SARDH: variants seen among roughly 807,000 people sequenced by gnomAD.
SARDH encodes sarcosine dehydrogenase.
Under a neutral mutation model 109.1 loss-of-function variants are expected in SARDH, and 95 were observed. That is an observed-to-expected ratio of 0.87 (90% CI 0.74 to 1.03). The LOEUF (loss-of-function observed/expected upper bound fraction) is 1.03. Ranked by LOEUF, SARDH falls within the 50% of genes least tolerant of loss-of-function variation. The pLI is 0.00. For synonymous variants in SARDH, 572 were observed against 534.8 expected, an observed-to-expected ratio of 1.07 and a Z score of -0.96; for missense variants, 1,267 against 1,287.8, an observed-to-expected ratio of 0.98 and a Z score of 0.25.
rs762918911 is a variant in SARDH at position 133,709,276 on chromosome 9, CCT to C, written c.1329-850_1329-849del. ...ACCTGCGGCCTAGGCCTCTGCTGCC[CCT>C]GAGTGGGCAGAGCAATCAGTGCCCC... On this transcript the variant is annotated intron_variant, in intron 10 of 20. Transcript: ENST00000439388. The surrounding 1 kb of genome is among the most constrained non-coding windows in gnomAD (Gnocchi z 4.2). Among the ~76,000 whole-genome samples, 227 of 152,306 alleles carry C rather than the reference CCT, an allele frequency of 1.5e-3. 2 individuals carry two copies. Among genetic ancestry groups the C allele is most frequent in the Admixed American group, 4.7e-3 (72 of 15,304 alleles).
At chr9:133,715,368 G>A (rs1454223934) in intron 8 of SARDH, among the ~76,000 whole-genome samples, 1 of 152,198 alleles carries the variant, frequency 6.6e-6, no homozygotes, top group Non-Finnish European at 1.5e-5. Flanking sequence ...GGGGTTATCT[G>A]TGCCCCTGGG....
chr9:133,715,901 C>A (rs1832103201), intron 8 of SARDH, among the ~76,000 whole-genome samples: 1 of 152,244 alleles, frequency 6.6e-6, no homozygotes, highest in African/African-American at 2.4e-5. Flanking sequence ...GAGGGACTCA[C>A]CAGGCTTCTG....
intron 19 of SARDH, among the ~76,000 whole-genome samples, chr9:133,669,274 C>T (rs371088104): frequency 3.2e-4 from 2 of 6,226 alleles, no homozygotes; most frequent in Non-Finnish European, 3.2e-4. Context: ...CCTCTCCCCT[C>T]ACCCTCCCTC....
rs558713394 is a variant in SARDH at position 133,683,524 on chromosome 9, T to G, written c.2163+1669A>C. 4.6e-5 allele frequency among the ~76,000 whole-genome samples: 7 copies of G among 152,328 alleles called. No homozygotes were observed. In the South Asian group the frequency reaches 1.4e-3, roughly 32 times the overall value. On this transcript the variant is annotated intron_variant, in intron 17 of 20. Transcript: ENST00000439388. ...CGGGCCATCTGAAGGCCGTGTGGCC[T>G]GGATCCAGCTGTGCTGCTCTCTCTG...
rs1381501213 is a variant in SARDH at position 133,669,333 on chromosome 9, CGTCCTCCCTCT to C, written c.2495+1240_2495+1250del. ...ATCCTCCCTCACCCTCCCTCTCCCT[CGTCCTCCCTCT>C]CCCTCCCCTCGTCACTCTGACACTC... is the stretch of plus-strand genomic sequence containing the variant. On this transcript the variant is annotated intron_variant, in intron 19 of 20. Coordinates refer to ENST00000439388, the MANE Select transcript of SARDH (RefSeq NM_001134707.2). 9.5e-3 allele frequency among the ~76,000 whole-genome samples: 887 copies of C among 93,422 alleles called. 25 individuals are homozygous for C. The highest frequency in any genetic ancestry group is 0.015 in the Non-Finnish European group (684 of 47,100). The allele number at this position is 93,422 out of a possible 152,430, so 61.3% of individuals were successfully genotyped here.
intron 19 of SARDH, among the ~76,000 whole-genome samples, chr9:133,669,840 A>G (rs1830273472): frequency 6.6e-6 from 1 of 152,206 alleles, no homozygotes; most frequent in East Asian, 1.9e-4. Flanking sequence ...GTCGTGTTGC[A>G]GTGACTGGGA....
At chr9:133,696,078 G>C (rs1453031048) in intron 14 of SARDH, 145 bp downstream of exon 14, 3 of 10,944 alleles carry the variant, frequency 2.7e-4, no homozygotes, top group South Asian at 3.7e-4. Context: ...GGGGCCGGAC[G>C]GGGGGGAGCT....
chr9:133,713,524 C>T (rs934105879), intron 8 of SARDH, among the ~76,000 whole-genome samples: 7 of 152,254 alleles, frequency 4.6e-5, no homozygotes, highest in African/African-American at 1.4e-4. Context: ...CTTGAGAGGG[C>T]AGAGACCAGT....
chr9:133,663,834 T>G lies in SARDH; in HGVS notation c.*55A>C, dbSNP rs1829962290. On this transcript the variant is annotated 3_prime_UTR_variant, in exon 21 of 21. Coordinates refer to ENST00000439388, the MANE Select transcript of SARDH (RefSeq NM_001134707.2). The stretch of plus-strand genomic sequence containing the variant: ...CCAGGGTCCTGGGACCCAGGGCCAT[T>G]TGGGACCTGTGAGAATGGATGGACA... 12 of 1,606,252 alleles carry G rather than the reference T, an allele frequency of 7.5e-6. No individual in the cohort carries two copies. The South Asian group carries it at 1.3e-4, about 18-fold the overall frequency.
chr9:133,731,324 G>A lies in SARDH; in HGVS notation c.671C>T (p.Ala224Val), dbSNP rs1369725659. 1 of 1,614,054 alleles carries A rather than the reference G, an allele frequency of 6.2e-7. No individual in the cohort carries two copies. Among genetic ancestry groups the A allele is most frequent in the Non-Finnish European group, 8.5e-7 (1 of 1,180,018 alleles). Residue 224 changes from alanine (A) to valine (V), a missense_variant, in exon 4 of 21, where the codon GCT becomes GTT. Physicochemically the swap from Ala to Val is moderately conservative, Grantham distance 64 (BLOSUM62 0). Coordinates refer to ENST00000439388, the MANE Select transcript of SARDH (RefSeq NM_001134707.2). Reference sequence around the variant, plus strand: ...CAGTACCTGTGCTCCTCGGGCAGAAGCTGCCCTGGCGAGGGTGGTACAGGT... The same window carrying A: ...CAGTACCTGTGCTCCTCGGGCAGAAACTGCCCTGGCGAGGGTGGTACAGGT... The part of the protein sequence containing the change: ...AGTCTTLARA[A>V]SARGAQVIEN...
intron 13 of SARDH, among the ~76,000 whole-genome samples, chr9:133,699,774 G>A (rs1444960527): frequency 1.3e-5 from 2 of 152,152 alleles, no homozygotes; most frequent in Non-Finnish European, 2.9e-5. Flanking sequence ...ACTGTGGTGG[G>A]GAATGTAATG....
chr9:133,716,815 G>A (rs939212917), intron 8 of SARDH, among the ~76,000 whole-genome samples: 15 of 152,230 alleles, frequency 9.9e-5, no homozygotes, highest in Admixed American at 3.9e-4. Flanking sequence ...CAGGAGGGAG[G>A]CCAGCAGCAT....
rs1830891608 is a variant in SARDH at position 133,686,516 on chromosome 9, T to C, written c.2070-1230A>G. On this transcript the variant is annotated intron_variant, in intron 16 of 20. Transcript: ENST00000439388. This position sits in a 1 kb window ranked among gnomAD's most constrained non-coding sequence, Gnocchi z 4.0. ...GCCAGGGTGTCTCTCACATTGGTTGTACCCACCCCCAATGCATCCACCCCC... is the reference window on the plus strand; with the variant it reads ...GCCAGGGTGTCTCTCACATTGGTTGCACCCACCCCCAATGCATCCACCCCC... Among the ~76,000 whole-genome samples the C allele has an allele frequency of 6.6e-6, 1 of 152,106 alleles. No homozygotes were observed. The highest frequency in any genetic ancestry group is 2.4e-5 in the African/African-American group (1 of 41,422).
intron 17 of SARDH, among the ~76,000 whole-genome samples, chr9:133,680,312 G>T (rs1230709433): frequency 8.3e-6 from 1 of 121,062 alleles, no homozygotes; most frequent in Non-Finnish European, 1.6e-5. Context: ...TGGATGCTTT[G>T]GTCCCAAACC....
Position 133,719,839 on chromosome 9 carries a change from C to T in SARDH, c.916-797G>A, listed in dbSNP as rs191835596. Among the ~76,000 whole-genome samples, 95 of 152,258 alleles carry T rather than the reference C, an allele frequency of 6.2e-4. 1 individual carries two copies. The highest frequency in any genetic ancestry group is 1.3e-3 in the Admixed American group (20 of 15,298). On this transcript the variant is annotated intron_variant, in intron 6 of 20. Transcript: ENST00000439388. Reference sequence around the variant, plus strand: ...TAAAAACAAAACCACAGGCCAGGCACGGTGGCTCACACCTGTAATCCCAGT... The same window carrying T: ...TAAAAACAAAACCACAGGCCAGGCATGGTGGCTCACACCTGTAATCCCAGT...
chr9:133,661,122 C>T (rs1328050540), downstream of SARDH, among the ~76,000 whole-genome samples: 1 of 152,050 alleles, frequency 6.6e-6, no homozygotes, highest in African/African-American at 2.4e-5. Context: ...GGCGGATCAC[C>T]TGAGGTCGGT....
intron 8 of SARDH, among the ~76,000 whole-genome samples, chr9:133,714,369 A>G (rs1291145515): frequency 6.6e-6 from 1 of 152,120 alleles, no homozygotes; most frequent in Non-Finnish European, 1.5e-5. Flanking sequence ...GAGGCAGGCT[A>G]GAGGGGCAGG....
intron 10 of SARDH, among the ~76,000 whole-genome samples, chr9:133,711,836 C>T (rs12686773): frequency 0.051 from 7,768 of 152,236 alleles, 248 homozygotes; most frequent in South Asian, 0.16. Flanking sequence ...CACCCCACAA[C>T]GCACGGGGAG....
rs375463109 is a variant in SARDH at position 133,686,196 on chromosome 9, T to C, written c.2070-910A>G. Among the ~76,000 whole-genome samples, 3 of 152,104 alleles carry C rather than the reference T, an allele frequency of 2.0e-5. No homozygotes were observed. In the East Asian group the frequency reaches 5.8e-4, roughly 29 times the overall value. ...GCGAGGGTGGGGATTCGCTCCCCAC[T>C]TTCCCTGCTCCGTGGTACCCAGCAC... On this transcript the variant is annotated intron_variant, in intron 16 of 20. Transcript: ENST00000439388. This position sits in a 1 kb window ranked among gnomAD's most constrained non-coding sequence, Gnocchi z 4.0.
Sources: allele counts gnomAD v4.1 joint callset (sites outside exome capture counted in the v4.1 genomes callset), GRCh38; gene constraint gnomAD v4.1.1; non-coding constraint Gnocchi (gnomAD v3.1); transcripts MANE v1.5; gene names NCBI Gene and HGNC (gene_info 2026-07-23, HGNC 2026-07-21).